The following SHC3 variants were observed in gnomAD, a reference collection of about 807,000 sequenced individuals.
SHC3 encodes SHC-transforming protein 3.
Under a neutral mutation model 60.4 loss-of-function variants are expected in SHC3, and 15 were observed. The ratio of observed to expected loss-of-function variants is 0.25; its 90% CI spans 0.17 to 0.38. The LOEUF (loss-of-function observed/expected upper bound fraction) is 0.38. Ranked by LOEUF, SHC3 falls within the 10% of genes least tolerant of loss-of-function variation. The pLI is 1.00. For synonymous variants in SHC3, 294 were observed against 325.9 expected (o/e 0.90, Z 1.05); for missense variants, 677 against 786.1 (o/e 0.86, Z 1.66).
chr9:89,062,369 C>G (rs1397073085), intron 6 of SHC3, among the ~76,000 whole-genome samples: 1 of 152,180 alleles, frequency 6.6e-6, no homozygotes, highest in Admixed American at 6.5e-5. Context: ...CATTTTCCAC[C>G]CTTATCTCTT....
At chr9:89,035,321 C>T (rs1416195214) in intron 11 of SHC3, among the ~76,000 whole-genome samples, 3 of 152,134 alleles carry the variant, frequency 2.0e-5, no homozygotes, top group African/African-American at 7.2e-5. Flanking sequence ...ATTGAAATCC[C>T]AGCATGTATT....
intron 1 of SHC3, among the ~76,000 whole-genome samples, chr9:89,116,246 G>C (rs1826017253): frequency 6.6e-6 from 1 of 152,160 alleles, no homozygotes. Flanking sequence ...CATGTTATGA[G>C]ACTAACAGTA....
chr9:89,042,395 C>A (rs1824702589), intron 9 of SHC3, among the ~76,000 whole-genome samples: 1 of 152,176 alleles, frequency 6.6e-6, no homozygotes, highest in Non-Finnish European at 1.5e-5. Flanking sequence ...ATGGGGTCTG[C>A]CAGCCAATGT....
At chr9:89,140,144 A>G (rs1826371720) in intron 1 of SHC3, among the ~76,000 whole-genome samples, 1 of 152,234 alleles carries the variant, frequency 6.6e-6, no homozygotes, top group African/African-American at 2.4e-5. Context: ...TTTTAAACCA[A>G]TGAAAGCTTC....
chr9:89,041,284 G>A lies in SHC3; in HGVS notation c.1360+742C>T, dbSNP rs117229662. On this transcript the variant is annotated intron_variant, in intron 10 of 11. Transcript: ENST00000375835. Reference sequence around the variant, plus strand: ...CTATATGACAAACAGAAAGTCTGTGGTACACATCCCACTATAATGCTATCT... The same window carrying A: ...CTATATGACAAACAGAAAGTCTGTGATACACATCCCACTATAATGCTATCT... 5.8e-3 allele frequency among the ~76,000 whole-genome samples: 882 copies of A among 152,268 alleles called. 11 individuals carry two copies. The highest frequency in any genetic ancestry group is 0.027 in the Admixed American group (419 of 15,296).
intron 2 of SHC3, among the ~76,000 whole-genome samples, chr9:89,089,632 A>G (rs139002335): frequency 2.6e-5 from 4 of 152,274 alleles, no homozygotes; most frequent in African/African-American, 7.2e-5. Flanking sequence ...AAGGAAATAA[A>G]CTCAGAGGAG....
chr9:89,046,753 C>A, intron 8 of SHC3, 91 bp downstream of exon 8: 1 of 1,334,384 alleles, frequency 7.5e-7, no homozygotes, highest in Non-Finnish European at 9.8e-7. Flanking sequence ...TGAAACAGAA[C>A]ATCAGCCTGA....
intron 11 of SHC3, 31 bp from the exon 12 acceptor site, chr9:89,013,606 C>T: frequency 6.3e-7 from 1 of 1,598,708 alleles, no homozygotes; most frequent in African/African-American, 1.3e-5. Context: ...AGGTTAAGCA[C>T]ATCTCACAGG....
chr9:89,034,487 A>G (rs542095536), intron 11 of SHC3, among the ~76,000 whole-genome samples: 57 of 152,276 alleles, frequency 3.7e-4, no homozygotes, highest in Non-Finnish European at 7.2e-4. Context: ...AGTCAGAGCA[A>G]TGGGGTGAAA....
intron 9 of SHC3, among the ~76,000 whole-genome samples, chr9:89,042,974 G>A (rs543004473): frequency 3.9e-5 from 6 of 152,248 alleles, no homozygotes; most frequent in South Asian, 4.2e-4. Context: ...CCTAGTTGCC[G>A]GAGAACGCCT....
At chr9:89,091,324 T>G (rs1825618075) in intron 2 of SHC3, among the ~76,000 whole-genome samples, 1 of 152,266 alleles carries the variant, frequency 6.6e-6, no homozygotes, top group South Asian at 2.1e-4. Flanking sequence ...AACAAATGCA[T>G]CAGCAGAAAA....
At chr9:89,040,928 A>T (rs896680797) in intron 10 of SHC3, among the ~76,000 whole-genome samples, 3 of 152,260 alleles carry the variant, frequency 2.0e-5, no homozygotes, top group African/African-American at 7.2e-5. Flanking sequence ...CATACAAAAT[A>T]CCACAAATCA....
At chr9:89,171,217 G>A (rs1351541592) in intron 1 of SHC3, among the ~76,000 whole-genome samples, 1 of 147,472 alleles carries the variant, frequency 6.8e-6, no homozygotes, top group Admixed American at 7.0e-5. Flanking sequence ...TGTCAACAGA[G>A]CTAGAACCAT....
chr9:89,154,426 AG>A (rs913629640), intron 1 of SHC3, among the ~76,000 whole-genome samples: 6 of 152,204 alleles, frequency 3.9e-5, no homozygotes, highest in African/African-American at 1.2e-4. Context: ...CCCAGCACAC[AG>A]GCCCTGTGAG....
chr9:89,129,025 T>C (rs1383240799), intron 1 of SHC3, among the ~76,000 whole-genome samples: 1 of 152,120 alleles, frequency 6.6e-6, no homozygotes. Context: ...ATTGGATGAA[T>C]GGCTAACTAG....
chr9:89,035,830 A>ATATATAT (rs1824563382), intron 11 of SHC3, among the ~76,000 whole-genome samples: 1 of 106,440 alleles, frequency 9.4e-6, no homozygotes, highest in African/African-American at 3.3e-5. Flanking sequence ...AAACAAACAA[A>ATATATAT]ATATATATAT....
chr9:89,041,357 G>A (rs1164308640), intron 10 of SHC3, among the ~76,000 whole-genome samples: 1 of 152,196 alleles, frequency 6.6e-6, no homozygotes, highest in Non-Finnish European at 1.5e-5. Flanking sequence ...TTTCATAACT[G>A]AGGAGCATGT....
chr9:89,036,572 C>G (rs1318153608), intron 11 of SHC3, among the ~76,000 whole-genome samples: 1 of 152,162 alleles, frequency 6.6e-6, no homozygotes, highest in African/African-American at 2.4e-5. Flanking sequence ...CTCAAGAGAG[C>G]TCAGTAAGTG....
At chr9:89,154,047 A>T (rs541879230) in intron 1 of SHC3, among the ~76,000 whole-genome samples, 2 of 152,204 alleles carry the variant, frequency 1.3e-5, no homozygotes, top group Non-Finnish European at 2.9e-5. Flanking sequence ...ATCATCCAAG[A>T]GAAGTGGAGG....
Sources: gnomAD v4.1 joint callset for allele counts (sites outside exome capture counted in the v4.1 genomes callset) on GRCh38, gnomAD v4.1.1 for gene constraint, MANE v1.5 for transcripts, NCBI Gene and HGNC (gene_info 2026-07-23, HGNC 2026-07-21) for gene names.